The following TBX4 variants were observed in gnomAD, a reference collection of about 807,000 sequenced individuals.
TBX4 encodes T-box transcription factor 4, also known as T-box transcription factor TBX4.
In TBX4, 13 loss-of-function variants were observed where a neutral mutation model predicts 54.6. The observed-to-expected ratio is 0.24, with a 90% CI of 0.15 to 0.38. The LOEUF (loss-of-function observed/expected upper bound fraction) is 0.38. Ranked by LOEUF, TBX4 falls within the 10% of genes least tolerant of loss-of-function variation. The pLI is 1.00. For missense variants in TBX4, 631 were observed against 728.5 expected, an observed-to-expected ratio of 0.87 and a Z score of 1.54; for synonymous variants, 314 against 306.7, an observed-to-expected ratio of 1.02 and a Z score of -0.25.
chr17:61,478,337 G>C lies in TBX4; in HGVS notation c.550-290G>C, dbSNP rs948888350. 21 of 479,312 alleles carry C rather than the reference G, an allele frequency of 4.4e-5. No individual in the cohort carries two copies. Among genetic ancestry groups the C allele is most frequent in the Non-Finnish European group, 3.4e-5 (9 of 261,896 alleles). The allele number at this position is 479,312 out of a possible 1,614,324, so 29.7% of individuals were successfully genotyped here. ...CACAGTGGGCTTTGACAGTGTTAAG[G>C]GCTGACTCAAGTTCTCCATTACCAC... On this transcript the variant is annotated intron_variant, in intron 5 of 8. Transcript: ENST00000644296. The surrounding 1 kb of genome is among the most constrained non-coding windows in gnomAD (Gnocchi z 7.4).
In TBX4 at chr17:61,478,418, C is replaced by T; in HGVS notation, c.550-209C>T. 1.6e-6 allele frequency: 1 copy of T among 627,976 alleles called. No individual in the cohort carries two copies. The highest frequency in any genetic ancestry group is 2.8e-6 in the Non-Finnish European group (1 of 358,450). The allele number at this position is 627,976 out of a possible 1,614,324, so 38.9% of individuals were successfully genotyped here. ...CTGGAGCTGGGCATTAGTGCTGGTG[C>T]AGAGAGGCTAAGTAGGGCTGGGGTG... On this transcript the variant is annotated intron_variant, in intron 5 of 8. Coordinates refer to ENST00000644296, the MANE Select transcript of TBX4 (RefSeq NM_001321120.2). This position sits in a 1 kb window ranked among gnomAD's most constrained non-coding sequence, Gnocchi z 7.4.
rs565449083 is a variant in TBX4, at chr17:61,476,207, G to A, written c.550-2420G>A. Among the ~76,000 whole-genome samples the A allele has an allele frequency of 6.0e-4, 92 of 152,340 alleles. No individual in the cohort carries two copies. The highest frequency in any genetic ancestry group is 2.2e-3 in the African/African-American group (90 of 41,570). ...CACTAGGATGCAGAATGACAACCAG[G>A]TAGATAACACATGAGAAGTAAGTTT... On this transcript the variant is annotated intron_variant, in intron 5 of 8. Coordinates refer to ENST00000644296, the MANE Select transcript of TBX4 (RefSeq NM_001321120.2). The surrounding 1 kb of genome is among the most constrained non-coding windows in gnomAD (Gnocchi z 6.5).
At position 61,456,569 on chromosome 17, in the gene TBX4, G is replaced by T. The variant is rs1266272751; in HGVS notation, c.79G>T (p.Ala27Ser). 1.3e-6 allele frequency: 2 copies of T among 1,542,718 alleles called. No homozygotes were observed. The highest frequency in any genetic ancestry group is 2.8e-5 in the African/African-American group (2 of 72,332). The change falls in exon 2 of 9, where the codon GCC (alanine) becomes TCC (serine). Residue 27 changes from alanine to serine, a missense_variant. This residue lies in a region of TBX4 where 123 missense variants were observed against 120.9 expected (regional missense o/e 1.02). Coordinates refer to ENST00000644296, the MANE Select transcript of TBX4 (RefSeq NM_001321120.2). ...PGPALGEASA[A>S]NAPEPALAAP... ...CCCAGCGCTCGGAGAGGCCAGCGCAGCCAACGCCCCCGAGCCCGCGCTGGC... is the reference window on the plus strand; with the variant it reads ...CCCAGCGCTCGGAGAGGCCAGCGCATCCAACGCCCCCGAGCCCGCGCTGGC...
At position 61,465,894 on chromosome 17, in the gene TBX4, T is replaced by C; in HGVS notation, c.357T>C (p.Ile119=). The change falls in exon 4 of 9, where the codon ATT becomes ATC. Residue 119 remains isoleucine (I), a synonymous_variant. Coordinates refer to ENST00000644296, the MANE Select transcript of TBX4 (RefSeq NM_001321120.2). This position sits in a 1 kb window ranked among gnomAD's most constrained non-coding sequence, Gnocchi z 4.9. ...PKTKYILLID[I]VPADDHRYKF... ...CCAAGTATATCCTGCTGATTGACAT[T>C]GTCCCTGCCGATGACCATCGCTACA... The C allele has an allele frequency of 6.2e-7, 1 of 1,614,172 alleles. No homozygotes were observed. The highest frequency in any genetic ancestry group is 1.1e-5 in the South Asian group (1 of 91,072).
chr17:61,456,801 C>A, intron 2 of TBX4, 125 bp downstream of exon 2: 1 of 711,468 alleles, frequency 1.4e-6, no homozygotes, highest in Non-Finnish European at 1.9e-6. Flanking sequence ...GCATTCAGGA[C>A]GGTCTGCCCG....
At chr17:61,469,364 G>A (rs1381983240) in intron 5 of TBX4, among the ~76,000 whole-genome samples, 6 of 152,216 alleles carry the variant, frequency 3.9e-5, no homozygotes, top group African/African-American at 1.2e-4. Flanking sequence ...GGGCCAGTGA[G>A]GCTGCTTGAT....
chr17:61,477,047 G>C (rs560822254), intron 5 of TBX4, among the ~76,000 whole-genome samples: 2 of 152,226 alleles, frequency 1.3e-5, no homozygotes, highest in African/African-American at 4.8e-5. Flanking sequence ...GTCAGTACCA[G>C]GTCCCATCCC....
In TBX4 at chr17:61,480,406, A is replaced by AC; in HGVS notation, c.1021+87_1021+88insC. The AC allele has an allele frequency of 1.5e-5, 14 of 921,332 alleles. No individual in the cohort carries two copies. Among genetic ancestry groups the AC allele is most frequent in the Non-Finnish European group, 2.3e-5 (14 of 600,760 alleles). 57.1% of individuals were successfully genotyped at this position (921,332 alleles called of 1,614,324 possible). A position where few individuals can be genotyped will look rare whatever the true frequency, so the allele number is the denominator to read the frequency against. On this transcript the variant is annotated intron_variant, in intron 8 of 8. Coordinates refer to ENST00000644296, the MANE Select transcript of TBX4 (RefSeq NM_001321120.2). This position sits in a 1 kb window ranked among gnomAD's most constrained non-coding sequence, Gnocchi z 6.2. ...ACCACTCTGCAGCGCCCCCCCCCCC[A>AC]ACACACACACACTCATCTCGTGCTT...
At chr17:61,477,941 C>CAAAAAAAAAAAAAAAAAAGAAAAA (rs2060633378) in intron 5 of TBX4, among the ~76,000 whole-genome samples, 1 of 88,666 alleles carries the variant, frequency 1.1e-5, no homozygotes, top group African/African-American at 4.0e-5. Flanking sequence ...GATTCCATCT[C>CAAAAAAAAAAAAAAAAAAGAAAAA]AAAAAAAAAA....
At position 61,478,798 on chromosome 17, in the gene TBX4, TG is replaced by T; in HGVS notation, c.702+20del. 1 of 1,614,004 alleles carries T rather than the reference TG, an allele frequency of 6.2e-7. No homozygotes were observed. The highest frequency in any genetic ancestry group is 8.5e-7 in the Non-Finnish European group (1 of 1,179,932). ...TCACAAGGTACAGCCACTGCCCCAC[TG>T]CCCCACAGCCCCACTTAACACCACC... On this transcript the variant is annotated intron_variant, in intron 6 of 8. Transcript: ENST00000644296. This position sits in a 1 kb window ranked among gnomAD's most constrained non-coding sequence, Gnocchi z 7.4.
intron 1 of TBX4, 21 bp from the exon 2 acceptor site, chr17:61,456,467 C>A: frequency 6.4e-7 from 1 of 1,559,078 alleles, no homozygotes; most frequent in South Asian, 1.2e-5. Context: ...GCGAGTGACT[C>A]GTTGTGTGCT....
rs754421707 is a variant in TBX4 at position 61,476,613 on chromosome 17, C to T, written c.550-2014C>T. On this transcript the variant is annotated intron_variant, in intron 5 of 8. Transcript: ENST00000644296. This position sits in a 1 kb window ranked among gnomAD's most constrained non-coding sequence, Gnocchi z 6.5. Reference sequence around the variant, plus strand: ...ACATCGAGGCCTCTCTGAGCGGGACCTGTGTCCTGTAGCCTCACTCTGCAT... The same window carrying T: ...ACATCGAGGCCTCTCTGAGCGGGACTTGTGTCCTGTAGCCTCACTCTGCAT... Among the ~76,000 whole-genome samples, 3 of 152,248 alleles carry T rather than the reference C, an allele frequency of 2.0e-5. No individual in the cohort carries two copies. The highest frequency in any genetic ancestry group is 2.9e-5 in the Non-Finnish European group (2 of 68,042).
rs1436255593 is a variant in TBX4, at chr17:61,467,507, C to G, written c.402-3C>G. On this transcript the variant is annotated splice_polypyrimidine_tract_variant and splice_region_variant and intron_variant, in intron 4 of 8. Coordinates refer to ENST00000644296, the MANE Select transcript of TBX4 (RefSeq NM_001321120.2). ...CACCTGCTCTTATCTGCTCTGTTGG[C>G]AGGATGGTGGCAGGGAAGGCTGAGC... is the stretch of plus-strand genomic sequence containing the variant. 8 of 1,614,192 alleles carry G rather than the reference C, an allele frequency of 5.0e-6. No individual in the cohort carries two copies. In the South Asian group the frequency reaches 7.7e-5, roughly 16 times the overall value.
At position 61,457,583 on chromosome 17, in the gene TBX4, A is replaced by C; in HGVS notation, c.233A>C (p.Lys78Thr). ...KVGLHEKELWKKFHEAGTEMI... is the reference protein window; with the variant it reads ...KVGLHEKELWTKFHEAGTEMI... ...GGGCTGCATGAGAAGGAGCTCTGGA[A>C]GAAGTTCCACGAGGCGGGCACCGAG... Residue 78 changes from lysine (K) to threonine (T), a missense_variant, in exon 3 of 9, where the codon AAG (lysine) becomes ACG (threonine). Around this residue, in one of 3 missense-constraint regions of TBX4, gnomAD observed 123 missense variants for 120.9 expected, o/e 1.02. Coordinates refer to ENST00000644296, the MANE Select transcript of TBX4 (RefSeq NM_001321120.2). The surrounding 1 kb of genome is among the most constrained non-coding windows in gnomAD (Gnocchi z 8.2). 1 of 1,613,830 alleles carries C rather than the reference A, an allele frequency of 6.2e-7. No homozygotes were observed. Among genetic ancestry groups the C allele is most frequent in the Non-Finnish European group, 8.5e-7 (1 of 1,179,968 alleles).
chr17:61,457,277 G>C lies in TBX4; in HGVS notation c.187-260G>C, dbSNP rs1415897596. 1.4e-5 allele frequency among the ~76,000 whole-genome samples: 2 copies of C among 147,632 alleles called. No homozygotes were observed. Among genetic ancestry groups the C allele is most frequent in the African/African-American group, 5.0e-5 (2 of 40,288 alleles). On this transcript the variant is annotated intron_variant, in intron 2 of 8. Coordinates refer to ENST00000644296, the MANE Select transcript of TBX4 (RefSeq NM_001321120.2). This position sits in a 1 kb window ranked among gnomAD's most constrained non-coding sequence, Gnocchi z 8.2. ...ATGTTCATGAGTGAGCAGGAGTGTC[G>C]TCTAACCTGCGCTGGCCACTATGTG...
intron 5 of TBX4, among the ~76,000 whole-genome samples, chr17:61,471,892 ATTT>A (rs35198276): frequency 1.5e-4 from 11 of 72,948 alleles, no homozygotes; most frequent in Non-Finnish European, 2.2e-4. Context: ...TGCCCAGCTA[ATTT>A]TTTTTTTTTT....
At chr17:61,455,482 C>T (rs1458959160) in intron 1 of TBX4, among the ~76,000 whole-genome samples, 1 of 152,258 alleles carries the variant, frequency 6.6e-6, no homozygotes, top group Non-Finnish European at 1.5e-5. Context: ...GCTGGCCTCT[C>T]AGGCTGTGCT....
intron 1 of TBX4, chr17:61,453,090 A>G (rs1305330399): frequency 1.7e-5 from 13 of 778,498 alleles, no homozygotes; most frequent in Non-Finnish European, 2.0e-5. Flanking sequence ...ATTAAAGATT[A>G]TTGGAATGTG....
chr17:61,473,411 G>A (rs376515172), intron 5 of TBX4, among the ~76,000 whole-genome samples: 6 of 152,252 alleles, frequency 3.9e-5, no homozygotes, highest in African/African-American at 1.4e-4. Context: ...TGGATGGTAA[G>A]TGCATGAGAA....
Sources: allele counts gnomAD v4.1 joint callset (sites outside exome capture counted in the v4.1 genomes callset), GRCh38; gene constraint gnomAD v4.1.1; regional missense constraint gnomAD v4.1.1; non-coding constraint Gnocchi (gnomAD v3.1); transcripts MANE v1.5; gene names NCBI Gene and HGNC (gene_info 2026-07-23, HGNC 2026-07-21).